The following RGP1 variants were observed in gnomAD, a reference collection of about 807,000 sequenced individuals.
RGP1 encodes the protein RGP1 partner of RAB6A GEF complex.
A neutral mutation model predicts 44.5 loss-of-function variants in RGP1; 28 were observed. That is an observed-to-expected ratio of 0.63 (90% CI 0.47 to 0.86). RGP1 has a LOEUF of 0.86. Among genes scored for constraint, RGP1 ranks in the 40% least tolerant of loss-of-function variants. The pLI, the probability that RGP1 is intolerant of heterozygous loss-of-function variation, is 0.00. For missense variants in RGP1, 417 were observed against 490.7 expected, an observed-to-expected ratio of 0.85 and a Z score of 1.42; for synonymous variants, 212 against 196.7, an observed-to-expected ratio of 1.08 and a Z score of -0.65.
At chr9:35,786,943 A>G in the RGP1 span, among the ~76,000 whole-genome samples, 7 of 151,558 alleles carry the variant, frequency 4.6e-5, no homozygotes, top group South Asian at 1.3e-3. Context: ...AAAATACAAA[A>G]AAAAAAATTA....
At chr9:35,760,279 G>A (rs527739265), downstream of RGP1, among the ~76,000 whole-genome samples, 5 of 152,232 alleles carry the variant, frequency 3.3e-5, no homozygotes, top group East Asian at 7.7e-4. Flanking sequence ...ATTGTTGGGA[G>A]AGCAGAATAT....
chr9:35,780,759 G>A, the RGP1 span, among the ~76,000 whole-genome samples: 1 of 151,964 alleles, frequency 6.6e-6, no homozygotes, highest in Non-Finnish European at 1.5e-5. Context: ...AGGCGTGGTG[G>A]TGTGCATCTG....
chr9:35,783,651 C>G, the RGP1 span, among the ~76,000 whole-genome samples: 1 of 151,992 alleles, frequency 6.6e-6, no homozygotes. Context: ...GAATAGTATT[C>G]CACTGTGTAA....
At chr9:35,779,420 T>C in the RGP1 span, among the ~76,000 whole-genome samples, 3 of 152,236 alleles carry the variant, frequency 2.0e-5, no homozygotes, top group African/African-American at 7.2e-5. Flanking sequence ...GTGGATTTGT[T>C]CAGCTCCGCA....
the RGP1 span, among the ~76,000 whole-genome samples, chr9:35,766,221 CTAATGTT>C: frequency 1.3e-4 from 19 of 148,510 alleles, no homozygotes; most frequent in East Asian, 3.7e-3. Context: ...TTGCATTTTC[CTAATGTT>C]TAATGACATT....
intron 4 of RGP1, 37 bp from the exon 5 acceptor site, chr9:35,750,803 G>A (rs1827243944): frequency 8.7e-6 from 14 of 1,613,740 alleles, no homozygotes; most frequent in Non-Finnish European, 1.0e-5. Flanking sequence ...GACTCCTCTG[G>A]TGCCTCTGGC....
the RGP1 span, among the ~76,000 whole-genome samples, chr9:35,776,781 G>T: frequency 6.6e-6 from 1 of 151,732 alleles, no homozygotes; most frequent in Admixed American, 6.6e-5. Context: ...AGATCATGAG[G>T]TCAGGAGATC....
Position 35,750,902 on chromosome 9 carries a change from TACGTCTACAA to T in RGP1, c.403_412del (p.Val135Ter). 2 of 1,614,042 alleles carry T rather than the reference TACGTCTACAA, an allele frequency of 1.2e-6. No individual in the cohort carries two copies. Among genetic ancestry groups the T allele is most frequent in the Non-Finnish European group, 1.7e-6 (2 of 1,179,886 alleles). On this transcript the variant is annotated frameshift_variant, in exon 5 of 9. Transcript: ENST00000378078. LOFTEE classifies it high-confidence loss of function. ...CTCCTTTCGGGGTCAGTCAGTCAAG[TACGTCTACAA>T]ACTGACCATTGGCTGCCAGCGTGTC...
chr9:35,777,749 C>T, the RGP1 span, among the ~76,000 whole-genome samples: 17 of 152,152 alleles, frequency 1.1e-4, no homozygotes, highest in Non-Finnish European at 1.9e-4. Context: ...GCCTTCTTAG[C>T]TCTGATGTTA....
At chr9:35,781,661 G>C in the RGP1 span, among the ~76,000 whole-genome samples, 1 of 151,954 alleles carries the variant, frequency 6.6e-6, no homozygotes, top group African/African-American at 2.4e-5. Context: ...TCCTGAATTC[G>C]GCATGATTTA....
rs1728222644 is a variant in RGP1 at position 35,756,650 on chromosome 9, G to GGGGGTCCAGGGGACATCCTGGAAGGC, written c.*3777_*3802dup. ...GTAGCTCTGCCGCCTTTCCCAGAGA[G>GGGGGTCCAGGGGACATCCTGGAAGGC]GGGGTCCAGGGGACATCCTGGAAGG... On this transcript the variant is annotated 3_prime_UTR_variant, in exon 9 of 9. Coordinates refer to ENST00000378078, the MANE Select transcript of RGP1 (RefSeq NM_001080496.3). 1 of 152,288 alleles carries GGGGGTCCAGGGGACATCCTGGAAGGC rather than the reference G, an allele frequency of 6.6e-6. No individual in the cohort carries two copies. The highest frequency in any genetic ancestry group is 6.5e-5 in the Admixed American group (1 of 15,286). The allele number at this position is 152,288 out of a possible 1,614,324, so 9.4% of individuals were successfully genotyped here.
At position 35,752,954 on chromosome 9, in the gene RGP1, C is replaced by T. The variant is rs529233058; in HGVS notation, c.*80C>T. 7.1e-6 allele frequency: 11 copies of T among 1,540,178 alleles called. No individual in the cohort carries two copies. Among genetic ancestry groups the T allele is most frequent in the Non-Finnish European group, 9.7e-6 (11 of 1,128,284 alleles). On this transcript the variant is annotated 3_prime_UTR_variant, in exon 9 of 9. Transcript: ENST00000378078. ...ACTCTAATGGGACCCACTTTTTCCA[C>T]CTGGGGTCCAATGTCGTGGACAGTG...
the RGP1 span, among the ~76,000 whole-genome samples, chr9:35,781,868 GC>G: frequency 6.6e-6 from 1 of 151,742 alleles, no homozygotes; most frequent in Non-Finnish European, 1.5e-5. Flanking sequence ...TTAGATGGAA[GC>G]ATCTAATTAC....
At position 35,751,351 on chromosome 9, in the gene RGP1, T is replaced by A. The variant is rs747010303; in HGVS notation, c.573T>A (p.Asp191Glu). 6.2e-7 allele frequency: 1 copy of A among 1,613,954 alleles called. No homozygotes were observed. The highest frequency in any genetic ancestry group is 8.5e-7 in the Non-Finnish European group (1 of 1,179,890). ...AGGAGGATGAAGGTGGGAAGAAAGATTCATGGCTAGCTGAGCTGGCTGGGG... is the reference window on the plus strand; with the variant it reads ...AGGAGGATGAAGGTGGGAAGAAAGAATCATGGCTAGCTGAGCTGGCTGGGG... Reference protein sequence around the residue: ...FLEEDEGGKKDSWLAELAGER... With the variant: ...FLEEDEGGKKESWLAELAGER... Residue 191 changes from aspartate to glutamate, a missense_variant, in exon 6 of 9, where the codon GAT (aspartate) becomes GAA (glutamate). By Grantham distance (45) the Asp-to-Glu change is conservative. Coordinates refer to ENST00000378078, the MANE Select transcript of RGP1 (RefSeq NM_001080496.3).
the RGP1 span, among the ~76,000 whole-genome samples, chr9:35,766,090 A>G: frequency 6.7e-6 from 1 of 149,974 alleles, no homozygotes; most frequent in Non-Finnish European, 1.5e-5. Flanking sequence ...TCGGCCTCCC[A>G]AAGTGCTGGG....
chr9:35,780,437 C>T, the RGP1 span: 54 of 152,342 alleles, frequency 3.5e-4, no homozygotes, highest in Admixed American at 3.5e-3. Context: ...CAGATGAAGA[C>T]TGATGGGTGG....
chr9:35,752,560 T>A (rs1004329921), intron 8 of RGP1, 91 bp from the exon 9 acceptor site: 12 of 1,125,822 alleles, frequency 1.1e-5, no homozygotes, highest in Non-Finnish European at 1.6e-5. Context: ...GAACACAGAT[T>A]GTTTTCTTCT....
chr9:35,753,780 C>A lies in RGP1; in HGVS notation c.*906C>A. 1 of 1,610,888 alleles carries A rather than the reference C, an allele frequency of 6.2e-7. No individual in the cohort carries two copies. Among genetic ancestry groups the A allele is most frequent in the Non-Finnish European group, 8.5e-7 (1 of 1,177,224 alleles). On this transcript the variant is annotated 3_prime_UTR_variant, in exon 9 of 9. Transcript: ENST00000378078. This position sits in a 1 kb window ranked among gnomAD's most constrained non-coding sequence, Gnocchi z 4.2. ...ATAGTGACAGGGGGCTAGGGAAGAACGGGAAATGTTAGTAGGTGTAGGAGT... is the reference window on the plus strand; with the variant it reads ...ATAGTGACAGGGGGCTAGGGAAGAAAGGGAAATGTTAGTAGGTGTAGGAGT...
At position 35,753,704 on chromosome 9, in the gene RGP1, G is replaced by T; in HGVS notation, c.*830G>T. 3.7e-6 allele frequency: 6 copies of T among 1,614,134 alleles called. No individual in the cohort carries two copies. Among genetic ancestry groups the T allele is most frequent in the Non-Finnish European group, 5.1e-6 (6 of 1,180,020 alleles). ...CAACAGGATGCAGACAGGTGCAATG[G>T]AAACAGTCCTTGCGGAGCCAAGACT... On this transcript the variant is annotated 3_prime_UTR_variant, in exon 9 of 9. Coordinates refer to ENST00000378078, the MANE Select transcript of RGP1 (RefSeq NM_001080496.3). This position sits in a 1 kb window ranked among gnomAD's most constrained non-coding sequence, Gnocchi z 4.2.
Sources: gnomAD v4.1 joint callset for allele counts (sites outside exome capture counted in the v4.1 genomes callset) on GRCh38, gnomAD v4.1.1 for gene constraint, Gnocchi (gnomAD v3.1) non-coding constraint, MANE v1.5 for transcripts, NCBI Gene and HGNC (gene_info 2026-07-23, HGNC 2026-07-21) for gene names.